Variants in EPS8 observed in about 807,000 individuals in gnomAD.
The protein encoded by EPS8 is epidermal growth factor receptor kinase substrate 8.
In EPS8, 42 loss-of-function variants were observed where a neutral mutation model predicts 103.8. The ratio of observed to expected loss-of-function variants is 0.40; its 90% CI spans 0.32 to 0.52. EPS8 has a LOEUF of 0.52. EPS8 is among the 20% of genes least tolerant of loss of function. EPS8 has a pLI of 0.40. For missense variants in EPS8, 969 were observed against 1,005.1 expected, an observed-to-expected ratio of 0.96 and a Z score of 0.49; for synonymous variants, 344 against 344.6, an observed-to-expected ratio of 1.00 and a Z score of 0.02.
intron 1 of EPS8, among the ~76,000 whole-genome samples, chr12:15,773,268 C>A (rs1947173273): frequency 6.6e-6 from 1 of 152,010 alleles, no homozygotes; most frequent in African/African-American, 2.4e-5. Context: ...ATACATTTTG[C>A]AATAGAGGCC....
At position 15,716,563 on chromosome 12, in the gene EPS8, A is replaced by T. The variant is rs893341662; in HGVS notation, c.-21-33591T>A. 2.0e-5 allele frequency among the ~76,000 whole-genome samples: 3 copies of T among 152,138 alleles called. No individual in the cohort carries two copies. Among genetic ancestry groups the T allele is most frequent in the Non-Finnish European group, 2.9e-5 (2 of 68,028 alleles). ...ACCAGAAGTAGTCACAGGAAATATTATATATTTCGAATGTGACAGATTTGG... is the reference window on the plus strand; with the variant it reads ...ACCAGAAGTAGTCACAGGAAATATTTTATATTTCGAATGTGACAGATTTGG... On this transcript the variant is annotated intron_variant, in intron 1 of 20. Coordinates refer to ENST00000281172, the MANE Select transcript of EPS8 (RefSeq NM_004447.6). The surrounding 1 kb of genome is among the most constrained non-coding windows in gnomAD (Gnocchi z 5.0).
chr12:15,668,131 C>G (rs906602817), intron 6 of EPS8, among the ~76,000 whole-genome samples: 2 of 152,012 alleles, frequency 1.3e-5, no homozygotes, highest in Non-Finnish European at 2.9e-5. Flanking sequence ...TCTAACCTTA[C>G]AAAAATTATA....
intron 3 of EPS8, among the ~76,000 whole-genome samples, chr12:15,676,335 T>C (rs1031274396): frequency 4.7e-5 from 7 of 150,514 alleles, no homozygotes; most frequent in African/African-American, 1.7e-4. Flanking sequence ...ATTTTTTATC[T>C]AGTTTCCCAG....
chr12:15,711,794 A>G (rs1591885608), intron 1 of EPS8, among the ~76,000 whole-genome samples: 1 of 152,246 alleles, frequency 6.6e-6, no homozygotes, highest in South Asian at 2.1e-4. Flanking sequence ...TTAAGAAATA[A>G]TAGTGACATT....
At position 15,738,941 on chromosome 12, in the gene EPS8, G is replaced by A. The variant is rs1397203617; in HGVS notation, c.-22+50220C>T. On this transcript the variant is annotated intron_variant, in intron 1 of 20. Transcript: ENST00000281172. This position sits in a 1 kb window ranked among gnomAD's most constrained non-coding sequence, Gnocchi z 6.2. ...CACGACTCTCAAGAGACTTTCATTT[G>A]GTCTTATTCTGACCCCTTAGTCCAT... is the stretch of plus-strand genomic sequence containing the variant. Among the ~76,000 whole-genome samples, 3 of 152,124 alleles carry A rather than the reference G, an allele frequency of 2.0e-5. No homozygotes were observed. The highest frequency in any genetic ancestry group is 4.8e-5 in the African/African-American group (2 of 41,422).
At chr12:15,708,412 A>G (rs1401452998) in intron 1 of EPS8, among the ~76,000 whole-genome samples, 1 of 152,216 alleles carries the variant, frequency 6.6e-6, no homozygotes, top group Non-Finnish European at 1.5e-5. Context: ...AAATATTTCT[A>G]TTCCAGGCAG....
intron 6 of EPS8, among the ~76,000 whole-genome samples, 155 bp from the exon 7 acceptor site, chr12:15,666,677 T>A (rs1157459806): frequency 1.3e-5 from 2 of 152,222 alleles, no homozygotes; most frequent in Admixed American, 1.3e-4. Flanking sequence ...ATGACTCTTG[T>A]GGTTTTTATA....
rs534018224 is a variant in EPS8 at position 15,700,853 on chromosome 12, A to G, written c.-21-17881T>C. On this transcript the variant is annotated intron_variant, in intron 1 of 20. Transcript: ENST00000281172. The surrounding 1 kb of genome is among the most constrained non-coding windows in gnomAD (Gnocchi z 5.1). ...GCCATTTCTTTCAAACACTGATTAG[A>G]CAAAATTGAAGTCTATCACAAAATA... Among the ~76,000 whole-genome samples, 2 of 152,322 alleles carry G rather than the reference A, an allele frequency of 1.3e-5. No individual in the cohort carries two copies. The highest frequency in any genetic ancestry group is 4.8e-5 in the African/African-American group (2 of 41,564).
chr12:15,651,058 T>G, intron 13 of EPS8, 52 bp from the exon 14 acceptor site: 1 of 1,465,256 alleles, frequency 6.8e-7, no homozygotes, highest in Non-Finnish European at 9.4e-7. Context: ...AATGTATCCA[T>G]GCTCACAGTT....
intron 3 of EPS8, among the ~76,000 whole-genome samples, chr12:15,673,825 C>T (rs1945858073): frequency 6.6e-6 from 1 of 152,102 alleles, no homozygotes; most frequent in Non-Finnish European, 1.5e-5. Context: ...GTCTATTTCC[C>T]CTCCTATTCT....
intron 12 of EPS8, among the ~76,000 whole-genome samples, chr12:15,655,552 A>C (rs1362490942): frequency 1.3e-5 from 2 of 152,208 alleles, no homozygotes; most frequent in Non-Finnish European, 2.9e-5. Context: ...TTTGAGAACA[A>C]AACCTACCCT....
In EPS8 at chr12:15,762,019, T is replaced by C. The variant is rs1020741941; in HGVS notation, c.-22+27142A>G. Among the ~76,000 whole-genome samples, 2 of 152,040 alleles carry C rather than the reference T, an allele frequency of 1.3e-5. No homozygotes were observed. The highest frequency in any genetic ancestry group is 4.8e-5 in the African/African-American group (2 of 41,362). ...AACCCACAGAATCAGAGAAAATATA[T>C]TTGCAAACTATCCATCTGAAAAGAG... On this transcript the variant is annotated intron_variant, in intron 1 of 20. Coordinates refer to ENST00000281172, the MANE Select transcript of EPS8 (RefSeq NM_004447.6). This position sits in a 1 kb window ranked among gnomAD's most constrained non-coding sequence, Gnocchi z 4.8.
In EPS8 at chr12:15,764,918, C is replaced by T. The variant is rs1018692936; in HGVS notation, c.-22+24243G>A. Reference sequence around the variant, plus strand: ...ATTATCAATGTCAAGTACAATATCACTCTCCAAAAACAGAAGACCATTAAT... The same window carrying T: ...ATTATCAATGTCAAGTACAATATCATTCTCCAAAAACAGAAGACCATTAAT... On this transcript the variant is annotated intron_variant, in intron 1 of 20. Coordinates refer to ENST00000281172, the MANE Select transcript of EPS8 (RefSeq NM_004447.6). The surrounding 1 kb of genome is among the most constrained non-coding windows in gnomAD (Gnocchi z 4.1). Among the ~76,000 whole-genome samples, 1 of 152,156 alleles carries T rather than the reference C, an allele frequency of 6.6e-6. No individual in the cohort carries two copies. The highest frequency in any genetic ancestry group is 1.9e-4 in the East Asian group (1 of 5,198).
chr12:15,738,807 G>A lies in EPS8; in HGVS notation c.-22+50354C>T, dbSNP rs546884096. Among the ~76,000 whole-genome samples, 1 of 152,100 alleles carries A rather than the reference G, an allele frequency of 6.6e-6. No individual in the cohort carries two copies. The highest frequency in any genetic ancestry group is 1.9e-4 in the East Asian group (1 of 5,170). ...AATAGCAGGTGCTTAATAAATGTTT[G>A]TTGAATCCACTTACAAGCATACACC... On this transcript the variant is annotated intron_variant, in intron 1 of 20. Coordinates refer to ENST00000281172, the MANE Select transcript of EPS8 (RefSeq NM_004447.6). The surrounding 1 kb of genome is among the most constrained non-coding windows in gnomAD (Gnocchi z 6.2).
rs1442193845 is a variant in EPS8, at chr12:15,789,325, G to A, written c.-186C>T. 1 of 152,286 alleles carries A rather than the reference G, an allele frequency of 6.6e-6. No homozygotes were observed. Among genetic ancestry groups the A allele is most frequent in the East Asian group, 1.9e-4 (1 of 5,140 alleles). The allele number at this position is 152,286 out of a possible 1,614,324, so 9.4% of individuals were successfully genotyped here. On this transcript the variant is annotated 5_prime_UTR_variant, in exon 1 of 21. Transcript: ENST00000281172. The surrounding 1 kb of genome is among the most constrained non-coding windows in gnomAD (Gnocchi z 6.1). ...CCAGCTAAAGAGCAGCGATCTCCGA[G>A]GCGAGCACAGCGCCGGCCTCGCGCC... is the stretch of plus-strand genomic sequence containing the variant.
chr12:15,623,522 G>A (rs138317270), intron 19 of EPS8, among the ~76,000 whole-genome samples: 2 of 152,026 alleles, frequency 1.3e-5, no homozygotes, highest in Admixed American at 6.6e-5. Flanking sequence ...GAGCCAATTC[G>A]GTTTAGGGTC....
intron 1 of EPS8, among the ~76,000 whole-genome samples, chr12:15,737,541 C>G (rs551691766): frequency 6.6e-6 from 1 of 152,220 alleles, no homozygotes; most frequent in Non-Finnish European, 1.5e-5. Flanking sequence ...CTCATTTAAT[C>G]CTCACAATGA....
chr12:15,621,783 A>C (rs187329745), intron 20 of EPS8, among the ~76,000 whole-genome samples: 44 of 152,304 alleles, frequency 2.9e-4, no homozygotes, highest in Admixed American at 5.9e-4. Flanking sequence ...TTTGGGCTCA[A>C]ACAAGATACT....
rs1055072459 is a variant in EPS8 at position 15,702,296 on chromosome 12, T to C, written c.-21-19324A>G. ...TTTTAGGGTTGAGAGAGTATCATCC[T>C]ATTTCCTTAAAATCTATCGTTTACA... On this transcript the variant is annotated intron_variant, in intron 1 of 20. Transcript: ENST00000281172. The surrounding 1 kb of genome is among the most constrained non-coding windows in gnomAD (Gnocchi z 5.1). Among the ~76,000 whole-genome samples the C allele has an allele frequency of 6.6e-6, 1 of 152,222 alleles. No homozygotes were observed. Among genetic ancestry groups the C allele is most frequent in the Non-Finnish European group, 1.5e-5 (1 of 68,034 alleles).
Sources: allele counts gnomAD v4.1 joint callset (sites outside exome capture counted in the v4.1 genomes callset), GRCh38; gene constraint gnomAD v4.1.1; non-coding constraint Gnocchi (gnomAD v3.1); transcripts MANE v1.5; gene names NCBI Gene and HGNC (gene_info 2026-07-23, HGNC 2026-07-21).